The following SLC38A11 variants were observed in gnomAD, a reference collection of about 807,000 sequenced individuals.
SLC38A11 encodes the protein solute carrier family 38 member 11, also known as putative sodium-coupled neutral amino acid transporter 11.
Under a neutral mutation model 49.4 loss-of-function variants are expected in SLC38A11, and 51 were observed. The ratio of observed to expected loss-of-function variants is 1.03; its 90% CI spans 0.83 to 1.30. The LOEUF (loss-of-function observed/expected upper bound fraction) is 1.30, where lower values mean the gene tolerates loss of function less well. Among genes scored for constraint, SLC38A11 ranks in the 50% most tolerant of loss-of-function variants. The pLI, the probability that SLC38A11 is intolerant of heterozygous loss-of-function variation, is 0.00. For missense variants in SLC38A11, 574 were observed against 556.2 expected, an observed-to-expected ratio of 1.03 and a Z score of -0.32; for synonymous variants, 203 against 192.9, an observed-to-expected ratio of 1.05 and a Z score of -0.43.
chr2:164,934,177 C>T (rs1340407152), intron 7 of SLC38A11, among the ~76,000 whole-genome samples: 2 of 152,186 alleles, frequency 1.3e-5, no homozygotes, highest in Admixed American at 1.3e-4. Flanking sequence ...CTTCACTAAA[C>T]TGCGAGCCCC....
At chr2:164,943,850 A>G (rs1200166810) in intron 5 of SLC38A11, among the ~76,000 whole-genome samples, 1 of 151,918 alleles carries the variant, frequency 6.6e-6, no homozygotes, top group Non-Finnish European at 1.5e-5. Flanking sequence ...CACAGAATAT[A>G]GTTTCTTGGT....
chr2:164,921,212 A>G (rs1247089458), intron 7 of SLC38A11, among the ~76,000 whole-genome samples: 1 of 152,258 alleles, frequency 6.6e-6, no homozygotes, highest in Admixed American at 6.5e-5. Context: ...GTGAATGCCA[A>G]GAGATAAGGC....
chr2:164,915,115 G>A lies in SLC38A11; in HGVS notation c.847C>T (p.Gln283Ter), dbSNP rs764397418. Residue 283 changes from glutamine to a stop codon, truncating the protein, a stop_gained, in exon 9 of 12, where the codon CAA becomes TAA. Coordinates refer to ENST00000685975, the MANE Select transcript of SLC38A11 (RefSeq NM_001351537.2). LOFTEE classifies it high-confidence loss of function. Reference sequence around the variant, plus strand: ...ATAACTGAATCTCTCATTTTACCTTGGGTGAAGCCAGTAAATGTCAAGTAT... The same window carrying A: ...ATAACTGAATCTCTCATTTTACCTTAGGTGAAGCCAGTAAATGTCAAGTAT... The part of the protein sequence containing the change: ...CGYLTFTGFT[Q>*]GDLFENYCRN... 6.2e-7 allele frequency: 1 copy of A among 1,604,170 alleles called. No individual in the cohort carries two copies. The highest frequency in any genetic ancestry group is 1.7e-5 in the Admixed American group (1 of 58,224).
In SLC38A11 at chr2:164,896,356, T is replaced by C. The variant is rs2105436109; in HGVS notation, c.*2081A>G. On this transcript the variant is annotated 3_prime_UTR_variant, in exon 12 of 12. Transcript: ENST00000685975. ...GTTCCTACCAGGAGCTTTCATCTAC[T>C]TGAAGAGTATGAAGCAACACCAAAG... 1 of 152,282 alleles carries C rather than the reference T, an allele frequency of 6.6e-6. No homozygotes were observed. Among genetic ancestry groups the C allele is most frequent in the South Asian group, 2.1e-4 (1 of 4,830 alleles). 9.4% of individuals were successfully genotyped at this position (152,282 alleles called of 1,614,324 possible).
chr2:164,917,383 C>G (rs567554790), intron 7 of SLC38A11, among the ~76,000 whole-genome samples: 1 of 152,188 alleles, frequency 6.6e-6, no homozygotes, highest in African/African-American at 2.4e-5. Context: ...ATGAAACGAG[C>G]AGTTACAGAC....
Position 164,898,742 on chromosome 2 carries a change from A to C in SLC38A11, c.1096-12T>G. The C allele has an allele frequency of 6.3e-7, 1 of 1,594,970 alleles. No homozygotes were observed. The highest frequency in any genetic ancestry group is 1.1e-5 in the South Asian group (1 of 88,768). On this transcript the variant is annotated splice_polypyrimidine_tract_variant and intron_variant, in intron 11 of 11. Coordinates refer to ENST00000685975, the MANE Select transcript of SLC38A11 (RefSeq NM_001351537.2). ...GCACAGAGCACACCCTGCATGTTGA[A>C]AACAAGAAACAAGATAATGTCACTA...
chr2:164,901,284 C>A (rs1437854482), intron 11 of SLC38A11, among the ~76,000 whole-genome samples: 1 of 151,850 alleles, frequency 6.6e-6, no homozygotes, highest in African/African-American at 2.4e-5. Context: ...TTTTCTATTT[C>A]TGTGAAGAAT....
At chr2:164,937,925 C>T (rs1045939786) in intron 6 of SLC38A11, among the ~76,000 whole-genome samples, 1 of 151,678 alleles carries the variant, frequency 6.6e-6, no homozygotes, top group African/African-American at 2.4e-5. Context: ...CCTCTCTGCT[C>T]TCCAGCTCTA....
intron 8 of SLC38A11, chr2:164,915,480 T>C: frequency 2.0e-6 from 1 of 500,584 alleles, no homozygotes; most frequent in African/African-American, 2.0e-5. Flanking sequence ...CTTTTCATGT[T>C]ACTCTTGATA....
chr2:164,906,044 C>A (rs929152596), intron 11 of SLC38A11, among the ~76,000 whole-genome samples: 5 of 151,318 alleles, frequency 3.3e-5, no homozygotes, highest in African/African-American at 1.2e-4. Context: ...GCTAGATTTA[C>A]AAAAAAAACT....
rs779712827 is a variant in SLC38A11 at position 164,915,886 on chromosome 2, T to G, written c.688+17A>C. On this transcript the variant is annotated intron_variant, in intron 8 of 11. Transcript: ENST00000685975. ...GAACTCCACATTGAGAAAGGGCCTT[T>G]GAAACCAAATACTCACCAAAAGACA... 1 of 1,584,926 alleles carries G rather than the reference T, an allele frequency of 6.3e-7. No homozygotes were observed. The highest frequency in any genetic ancestry group is 8.6e-7 in the Non-Finnish European group (1 of 1,158,738).
In SLC38A11 at chr2:164,915,966, T is replaced by C. The variant is rs754685408; in HGVS notation, c.625A>G (p.Thr209Ala). The C allele has an allele frequency of 3.2e-6, 5 of 1,585,454 alleles. No homozygotes were observed. Among genetic ancestry groups the C allele is most frequent in the Non-Finnish European group, 1.7e-6 (2 of 1,158,690 alleles). Residue 209 changes from threonine (T) to alanine (A), a missense_variant, in exon 8 of 12, where the codon ACA (threonine) becomes GCA (alanine). Physicochemically the swap from Thr to Ala is moderately conservative, Grantham distance 58. Transcript: ENST00000685975. ...TTTGCAAATACCCAAGCGTCTTCTG[T>C]TTTTGGTCTAGAAGAAAAATCAGTT... The part of the protein sequence containing the change: ...AISLGPHIPK[T>A]EDAWVFAKPN...
intron 3 of SLC38A11, among the ~76,000 whole-genome samples, chr2:164,950,998 A>T (rs1446277171): frequency 6.6e-6 from 1 of 152,148 alleles, no homozygotes; most frequent in Non-Finnish European, 1.5e-5. Context: ...AAGAATTTGG[A>T]TCATGCAAGT....
chr2:164,902,257 G>C (rs1056185730), intron 11 of SLC38A11, among the ~76,000 whole-genome samples: 1 of 152,000 alleles, frequency 6.6e-6, no homozygotes, highest in African/African-American at 2.4e-5. Flanking sequence ...CTGAGCTCAA[G>C]TGATCCTCTC....
intron 9 of SLC38A11, 99 bp from the exon 10 acceptor site, chr2:164,911,847 T>C: frequency 1.7e-6 from 1 of 586,040 alleles, no homozygotes; most frequent in South Asian, 3.0e-5. Flanking sequence ...ATGCATCACC[T>C]AATGGCCCAC....
At chr2:164,919,997 C>T (rs915207855) in intron 7 of SLC38A11, among the ~76,000 whole-genome samples, 4 of 152,084 alleles carry the variant, frequency 2.6e-5, no homozygotes, top group African/African-American at 9.7e-5. Flanking sequence ...CTTCCATAGA[C>T]CAGGCGTGGT....
intron 11 of SLC38A11, among the ~76,000 whole-genome samples, chr2:164,905,499 G>A (rs12692751): frequency 0.4 from 61,063 of 151,856 alleles, 12,483 homozygotes; most frequent in South Asian, 0.57. Flanking sequence ...ATGATCCAGC[G>A]TGTATTAGTT....
rs1684397149 is a variant in SLC38A11, at chr2:164,897,497, A to G, written c.*940T>C. The G allele has an allele frequency of 6.6e-6, 1 of 152,160 alleles. No individual in the cohort carries two copies. The highest frequency in any genetic ancestry group is 2.4e-5 in the African/African-American group (1 of 41,404). The allele number at this position is 152,160 out of a possible 1,614,324, so 9.4% of individuals were successfully genotyped here. On this transcript the variant is annotated 3_prime_UTR_variant, in exon 12 of 12. Transcript: ENST00000685975. ...ACAATCCTGCTTTCCCCTCTCTCCC[A>G]TTAGTTATGATAAACTCCATCTCAC...
chr2:164,920,276 GT>G (rs1450854847), intron 7 of SLC38A11, among the ~76,000 whole-genome samples: 4 of 79,632 alleles, frequency 5.0e-5, no homozygotes, highest in African/African-American at 1.8e-4. Flanking sequence ...GCAAGACTCC[GT>G]TAAAAAAAAA....
Sources: allele counts gnomAD v4.1 joint callset (sites outside exome capture counted in the v4.1 genomes callset), GRCh38; gene constraint gnomAD v4.1.1; transcripts MANE v1.5; gene names NCBI Gene and HGNC (gene_info 2026-07-23, HGNC 2026-07-21).